Variants in SLCO3A1 observed in about 807,000 individuals in gnomAD.
SLCO3A1 encodes PGE1 transporter.
Under a neutral mutation model 63.1 loss-of-function variants are expected in SLCO3A1, and 27 were observed. The observed-to-expected ratio is 0.43, with a 90% CI of 0.32 to 0.59. The LOEUF (loss-of-function observed/expected upper bound fraction) is 0.59. Ranked by LOEUF, SLCO3A1 falls within the 20% of genes least tolerant of loss-of-function variation. The pLI is 0.09. For synonymous variants in SLCO3A1, 473 were observed against 409.9 expected, an observed-to-expected ratio of 1.15 and a Z score of -1.86; for missense variants, 773 against 945.8, an observed-to-expected ratio of 0.82 and a Z score of 2.40.
chr15:91,987,841 A>G (rs1216564869), intron 2 of SLCO3A1, among the ~76,000 whole-genome samples: 1 of 152,148 alleles, frequency 6.6e-6, no homozygotes, highest in Non-Finnish European at 1.5e-5. Context: ...GAAAAATAGC[A>G]GTTTTCCTGA....
intron 2 of SLCO3A1, among the ~76,000 whole-genome samples, chr15:92,077,458 C>T (rs1282320720): frequency 6.6e-6 from 1 of 152,204 alleles, no homozygotes; most frequent in African/African-American, 2.4e-5. Context: ...CTCAGAGGAG[C>T]TGGTGACCCT....
chr15:92,066,132 TCCAAACA>T (rs1193410465), intron 2 of SLCO3A1, among the ~76,000 whole-genome samples: 5 of 152,118 alleles, frequency 3.3e-5, no homozygotes, highest in African/African-American at 1.2e-4. Flanking sequence ...GAGAAGAAAT[TCCAAACA>T]GCCTCCAAGC....
At chr15:91,980,343 G>A (rs896976110) in intron 2 of SLCO3A1, among the ~76,000 whole-genome samples, 1 of 151,750 alleles carries the variant, frequency 6.6e-6, no homozygotes, top group South Asian at 2.1e-4. Context: ...TAGCCTTTTC[G>A]TTAAGGGGCT....
rs544796933 is a variant in SLCO3A1 at position 91,909,939 on chromosome 15, G to A, written c.181-6054G>A. ...CACTGTGGAAACAGCTGCCCCGGCC[G>A]TCTCTCCTCCCTGATACCTGCACAG... On this transcript the variant is annotated intron_variant, in intron 1 of 9. Transcript: ENST00000318445. 1.7e-4 allele frequency among the ~76,000 whole-genome samples: 26 copies of A among 152,302 alleles called. No individual in the cohort carries two copies. In the South Asian group the frequency reaches 2.5e-3, roughly 15 times the overall value.
intron 2 of SLCO3A1, among the ~76,000 whole-genome samples, chr15:92,059,882 C>T (rs182657052): frequency 3.9e-5 from 6 of 152,208 alleles, no homozygotes; most frequent in East Asian, 3.9e-4. Flanking sequence ...TTTGTCATTG[C>T]GGGGACATCA....
At chr15:92,009,220 C>G (rs192220334) in intron 2 of SLCO3A1, among the ~76,000 whole-genome samples, 421 of 152,276 alleles carry the variant, frequency 2.8e-3, no homozygotes, top group African/African-American at 9.8e-3. Flanking sequence ...GCCTCACTCA[C>G]CATCAGAATA....
At chr15:91,962,246 G>A (rs186803037) in intron 2 of SLCO3A1, among the ~76,000 whole-genome samples, 26 of 152,224 alleles carry the variant, frequency 1.7e-4, no homozygotes, top group Middle Eastern at 3.4e-3. Flanking sequence ...TTGGGAGGCC[G>A]AGGCAGATGG....
At chr15:92,142,750 G>A (rs948633984) in intron 7 of SLCO3A1, among the ~76,000 whole-genome samples, 2 of 152,184 alleles carry the variant, frequency 1.3e-5, no homozygotes, top group African/African-American at 2.4e-5. Context: ...CGTGCCAGCT[G>A]TAGCCTGAGA....
At chr15:92,113,602 A>G (rs2047756104) in intron 4 of SLCO3A1, among the ~76,000 whole-genome samples, 1 of 152,172 alleles carries the variant, frequency 6.6e-6, no homozygotes, top group Non-Finnish European at 1.5e-5. Context: ...AAGCGCTCCC[A>G]TGGGCTCCTC....
rs1169509430 is a variant in SLCO3A1 at position 91,916,281 on chromosome 15, G to A, written c.469G>A (p.Gly157Ser). 2 of 1,552,022 alleles carry A rather than the reference G, an allele frequency of 1.3e-6. No individual in the cohort carries two copies. Among genetic ancestry groups the A allele is most frequent in the South Asian group, 1.2e-5 (1 of 85,162 alleles). Residue 157 changes from glycine (G) to serine (S), a missense_variant, in exon 2 of 10, where the codon GGC (glycine) becomes AGC (serine). Coordinates refer to ENST00000318445, the MANE Select transcript of SLCO3A1 (RefSeq NM_013272.4). This position sits in a 1 kb window ranked among gnomAD's most constrained non-coding sequence, Gnocchi z 6.2. The part of the protein sequence containing the change: ...RDVCAANGSG[G>S]DEGPDPDLIC... The stretch of plus-strand genomic sequence containing the variant: ...CGTCTGCGCAGCCAACGGCTCGGGC[G>A]GCGACGAGGGGCCCGACCCCGACCT...
At chr15:92,080,966 G>A (rs1315335205) in intron 2 of SLCO3A1, among the ~76,000 whole-genome samples, 2 of 151,286 alleles carry the variant, frequency 1.3e-5, no homozygotes, top group East Asian at 1.9e-4. Context: ...GTGTGTGTGT[G>A]TGTGTGTGTG....
intron 8 of SLCO3A1, chr15:92,149,868 T>G (rs370622260): frequency 1.3e-5 from 2 of 152,190 alleles, no homozygotes; most frequent in East Asian, 1.9e-4. Flanking sequence ...TTGTCTCTAT[T>G]TATGTGTCTG....
chr15:91,950,135 T>C lies in SLCO3A1; in HGVS notation c.646+33677T>C, dbSNP rs1256353436. ...GGGAGGTTTTTAGGAGAAAGGCAGA[T>C]TGAAGCTGCCCCTGGGGAAGAAAGT... is the stretch of plus-strand genomic sequence containing the variant. On this transcript the variant is annotated intron_variant, in intron 2 of 9. Coordinates refer to ENST00000318445, the MANE Select transcript of SLCO3A1 (RefSeq NM_013272.4). This position sits in a 1 kb window ranked among gnomAD's most constrained non-coding sequence, Gnocchi z 4.4. 6.6e-6 allele frequency among the ~76,000 whole-genome samples: 1 copy of C among 152,124 alleles called. No homozygotes were observed. The highest frequency in any genetic ancestry group is 1.5e-5 in the Non-Finnish European group (1 of 68,022).
At position 92,104,482 on chromosome 15, in the gene SLCO3A1, G is replaced by A. The variant is rs1213652528; in HGVS notation, c.949G>A (p.Gly317Arg). ...REYERPKPSN[G>R]VLRHPLEPDS... is the part of the protein sequence containing the mutation. ...ATACGAGAGACCCAAGCCCAGCAAC[G>A]GGGTCCTGAGGCACCCCCTGGAGCC... is the stretch of plus-strand genomic sequence containing the variant. The change falls in exon 4 of 10, where the codon GGG (glycine) becomes AGG (arginine). Residue 317 changes from glycine to arginine, a missense_variant. By Grantham distance (125) the Gly-to-Arg change is moderately radical. Around this residue, in one of 3 missense-constraint regions of SLCO3A1, gnomAD observed 565 missense variants for 749.8 expected, o/e 0.75. Coordinates refer to ENST00000318445, the MANE Select transcript of SLCO3A1 (RefSeq NM_013272.4). The A allele has an allele frequency of 1.2e-5, 19 of 1,613,954 alleles. No homozygotes were observed. The highest frequency in any genetic ancestry group is 1.5e-5 in the Non-Finnish European group (18 of 1,180,026).
intron 2 of SLCO3A1, among the ~76,000 whole-genome samples, chr15:92,067,976 A>G (rs563978262): frequency 2.0e-5 from 3 of 152,070 alleles, no homozygotes; most frequent in African/African-American, 4.8e-5. Context: ...CCTCTTTTTT[A>G]AGGGCACTCA....
In SLCO3A1 at chr15:92,091,577, T is replaced by C. The variant is rs138206145; in HGVS notation, c.647-3304T>C. Among the ~76,000 whole-genome samples the C allele has an allele frequency of 1.6e-3, 250 of 152,328 alleles. 2 individuals are homozygous for C. Among genetic ancestry groups the C allele is most frequent in the Middle Eastern group, 6.8e-3 (2 of 294 alleles). ...TCTGGGCCTTCTGAAGCTGCTCGTT[T>C]CAGTTGTTAAGATATTTCTGAAGGC... On this transcript the variant is annotated intron_variant, in intron 2 of 9. Transcript: ENST00000318445.
chr15:91,961,860 G>T (rs1416639833), intron 2 of SLCO3A1, among the ~76,000 whole-genome samples: 1 of 152,216 alleles, frequency 6.6e-6, no homozygotes, highest in African/African-American at 2.4e-5. Flanking sequence ...GCTTGAGATG[G>T]TTCTCAGAAC....
chr15:92,159,032 C>A (rs74028857), intron 9 of SLCO3A1, among the ~76,000 whole-genome samples: 2,624 of 152,266 alleles, frequency 0.017, 81 homozygotes, highest in African/African-American at 0.06. Context: ...GGTTGCATGG[C>A]AAGATCAGAC....
chr15:91,885,583 G>A lies in SLCO3A1; in HGVS notation c.181-30410G>A, dbSNP rs1018925939. ...TAGGGATGCTTAGAATTGGCCCTTG[G>A]TTGGTTTGTAGCATTTATACAATAT... On this transcript the variant is annotated intron_variant, in intron 1 of 9. Transcript: ENST00000318445. This position sits in a 1 kb window ranked among gnomAD's most constrained non-coding sequence, Gnocchi z 4.7. Among the ~76,000 whole-genome samples the A allele has an allele frequency of 1.3e-5, 2 of 152,208 alleles. No individual in the cohort carries two copies. The highest frequency in any genetic ancestry group is 4.8e-5 in the African/African-American group (2 of 41,452).
Sources: allele counts gnomAD v4.1 joint callset (sites outside exome capture counted in the v4.1 genomes callset), GRCh38; gene constraint gnomAD v4.1.1; regional missense constraint gnomAD v4.1.1; non-coding constraint Gnocchi (gnomAD v3.1); transcripts MANE v1.5; gene names NCBI Gene and HGNC (gene_info 2026-07-23, HGNC 2026-07-21).